Variants in DMD observed in about 807,000 individuals in gnomAD.
DMD encodes dystrophin.
Under a neutral mutation model 330.1 loss-of-function variants are expected in DMD, and 63 were observed. That is an observed-to-expected ratio of 0.19 (90% CI 0.16 to 0.24). DMD has a LOEUF of 0.24. Ranked by LOEUF, DMD falls within the 10% of genes least tolerant of loss-of-function variation. The probability of loss-of-function intolerance (pLI) is 1.00; values close to 1 mark genes in which losing one functional copy is unlikely to be tolerated. For synonymous variants in DMD, 1,223 were observed against 959.8 expected (o/e 1.27, Z -5.07); for missense variants, 3,344 against 2,684.1 (o/e 1.25, Z -5.43).
chrX:32,587,213 C>A (rs1027043691), intron 13 of DMD, among the ~76,000 whole-genome samples: 1 of 111,913 alleles, frequency 8.9e-6, no homozygotes, highest in Non-Finnish European at 1.9e-5. Flanking sequence ...CTACCTTTCA[C>A]AGTATAGCAT....
chrX:31,224,391 A>G (rs1216399039), intron 63 of DMD, among the ~76,000 whole-genome samples: 2 of 112,198 alleles, frequency 1.8e-5, no homozygotes, highest in Non-Finnish European at 3.8e-5. Context: ...CTTTATGGCC[A>G]TCGCAGAGAC....
chrX:33,184,349 GA>G (rs1213407767), intron 1 of DMD, among the ~76,000 whole-genome samples: 1 of 111,258 alleles, frequency 9.0e-6, no homozygotes, highest in Non-Finnish European at 1.9e-5. Flanking sequence ...CTTTTTTAAT[GA>G]TTTTTTTTTG....
chrX:31,171,574 A>G (rs943441973), intron 73 of DMD, among the ~76,000 whole-genome samples: 1 of 110,888 alleles, frequency 9.0e-6, no homozygotes, highest in Non-Finnish European at 1.9e-5. Context: ...TTTTTCCTTC[A>G]TATTTGCTTC....
intron 7 of DMD, among the ~76,000 whole-genome samples, chrX:32,782,617 G>C (rs2074887321): frequency 9.0e-6 from 1 of 111,439 alleles, no homozygotes; most frequent in African/African-American, 3.3e-5. Context: ...TACAGGTGGA[G>C]AGGTATGAAT....
At chrX:31,732,885 A>G (rs182948256) in intron 51 of DMD, among the ~76,000 whole-genome samples, 1 of 111,789 alleles carries the variant, frequency 8.9e-6, no homozygotes, top group Non-Finnish European at 1.9e-5. Flanking sequence ...ATGATCCCAG[A>G]TATTTGTGAC....
intron 51 of DMD, among the ~76,000 whole-genome samples, chrX:31,736,587 C>G (rs2086890849): frequency 9.0e-6 from 1 of 111,724 alleles, no homozygotes; most frequent in East Asian, 2.8e-4. Flanking sequence ...TACTAAACTG[C>G]AACTATTTGC....
At chrX:33,330,883 C>T (rs1029146936) in intron 1 of DMD, among the ~76,000 whole-genome samples, 3 of 111,897 alleles carry the variant, frequency 2.7e-5, no homozygotes, top group Non-Finnish European at 5.6e-5. Flanking sequence ...ATCACTCACA[C>T]TAGGAACTCC....
chrX:31,380,102 C>T (rs934641653), intron 60 of DMD, among the ~76,000 whole-genome samples: 1 of 111,011 alleles, frequency 9.0e-6, no homozygotes, highest in African/African-American at 3.3e-5. Flanking sequence ...TCCACATTAC[C>T]TTCTTTTCAA....
At position 32,546,071 on chromosome X, in the gene DMD, A is replaced by G. The variant is rs760398156; in HGVS notation, c.1993-737T>C. Among the ~76,000 whole-genome samples the G allele has an allele frequency of 2.8e-5, 3 of 105,979 alleles. No homozygotes were observed. The South Asian group carries it at 1.3e-3, about 46-fold the overall frequency. 92.0% of individuals were successfully genotyped at this position (105,979 alleles called of 115,157 possible). On this transcript the variant is annotated intron_variant, in intron 16 of 78. Transcript: ENST00000357033. Reference sequence around the variant, plus strand: ...ATTACCTCCTGTTCATACTTTTGGCAGCGGGCCGGGGGCAACAGTTCATCC... The same window carrying G: ...ATTACCTCCTGTTCATACTTTTGGCGGCGGGCCGGGGGCAACAGTTCATCC...
At chrX:32,114,073 C>A (rs1396567624) in intron 44 of DMD, among the ~76,000 whole-genome samples, 1 of 112,048 alleles carries the variant, frequency 8.9e-6, no homozygotes, top group African/African-American at 3.2e-5. Flanking sequence ...CAATATTTTT[C>A]TTTAGCTAAG....
At chrX:33,314,078 T>C (rs2053890528) in intron 1 of DMD, among the ~76,000 whole-genome samples, 1 of 108,512 alleles carries the variant, frequency 9.2e-6, no homozygotes, top group South Asian at 4.1e-4. Context: ...GTACAAGAAG[T>C]AAGCATTTGG....
At chrX:32,541,861 A>ATTCT (rs2048516408) in intron 17 of DMD, among the ~76,000 whole-genome samples, 1 of 111,708 alleles carries the variant, frequency 9.0e-6, no homozygotes, top group African/African-American at 3.3e-5. Flanking sequence ...TGATTCCAAA[A>ATTCT]GCAATGATTT....
In DMD at chrX:32,839,261, G is replaced by A. The variant is rs867269494; in HGVS notation, c.264+5522C>T. 4.5e-5 allele frequency among the ~76,000 whole-genome samples: 5 copies of A among 110,543 alleles called. No homozygotes were observed. In the South Asian group the frequency reaches 1.5e-3, roughly 34 times the overall value. On this transcript the variant is annotated intron_variant, in intron 4 of 78. Coordinates refer to ENST00000357033, the MANE Select transcript of DMD (RefSeq NM_004006.3). ...ATTCCAAATGCTTTTTCACCTTAAG[G>A]TCTTTATTACCGTGCCTAACCCACC...
At chrX:33,307,634 A>G (rs756063477) in intron 1 of DMD, among the ~76,000 whole-genome samples, 10 of 111,976 alleles carry the variant, frequency 8.9e-5, no homozygotes, top group Non-Finnish European at 1.9e-4. Context: ...CAGAAGTTAC[A>G]GTGAGCCATG....
intron 9 of DMD, among the ~76,000 whole-genome samples, chrX:32,673,755 C>A (rs867090527): frequency 6.2e-5 from 7 of 112,080 alleles, no homozygotes; most frequent in Admixed American, 2.8e-4. Context: ...GCCCTCTACC[C>A]CAACCCTGTG....
chrX:31,487,796 A>C (rs747583109), intron 57 of DMD, among the ~76,000 whole-genome samples: 34 of 112,186 alleles, frequency 3.0e-4, no homozygotes, highest in Non-Finnish European at 4.5e-4. Context: ...TGTTTCAGAT[A>C]GTCAACAACA....
In DMD at chrX:31,169,573, A is replaced by G. The variant is rs1469403981; in HGVS notation, c.10423T>C (p.Tyr3475His). The part of the protein sequence containing the change: ...IDDEHLLIQH[Y>H]CQSLNQDSPL... ...GAGTCCTGGTTCAAACTTTGGCAGT[A>G]ATGCTGGATTAACAAATGTTCATCA... The change falls in exon 74 of 79, where the codon TAC becomes CAC. Residue 3475 changes from tyrosine to histidine, a missense_variant. Tyr to His is a moderately conservative substitution (Grantham distance 83). Transcript: ENST00000357033. 8.3e-7 allele frequency: 1 copy of G among 1,204,685 alleles called. No homozygotes were observed. The highest frequency in any genetic ancestry group is 1.7e-5 in the African/African-American group (1 of 57,174).
intron 7 of DMD, among the ~76,000 whole-genome samples, chrX:32,703,676 C>T (rs1486668542): frequency 9.0e-6 from 1 of 111,310 alleles, no homozygotes; most frequent in Non-Finnish European, 1.9e-5. Context: ...ATTCCTGGCA[C>T]TCTGTGATCA....
chrX:32,261,931 T>A (rs1350989665), intron 43 of DMD, among the ~76,000 whole-genome samples: 1 of 111,872 alleles, frequency 8.9e-6, no homozygotes, highest in Non-Finnish European at 1.9e-5. Flanking sequence ...TATTAAATTA[T>A]AAAATTTAAA....
Sources: allele counts gnomAD v4.1 joint callset (sites outside exome capture counted in the v4.1 genomes callset), GRCh38; gene constraint gnomAD v4.1.1; transcripts MANE v1.5; gene names NCBI Gene and HGNC (gene_info 2026-07-23, HGNC 2026-07-21).